Variants in PHF3 observed in about 807,000 individuals in gnomAD.
PHF3 encodes PHD finger protein 3.
In PHF3, 41 loss-of-function variants were observed where a neutral mutation model predicts 178.4. That is an observed-to-expected ratio of 0.23 (90% CI 0.18 to 0.30). The LOEUF (loss-of-function observed/expected upper bound fraction) is 0.30, where lower values mean the gene tolerates loss of function less well. PHF3 is among the 10% of genes least tolerant of loss of function. The probability of loss-of-function intolerance (pLI) is 1.00; values close to 1 mark genes in which losing one functional copy is unlikely to be tolerated. For missense variants in PHF3, 2,346 were observed against 2,398.1 expected, an observed-to-expected ratio of 0.98 and a Z score of 0.45; for synonymous variants, 842 against 800.5, an observed-to-expected ratio of 1.05 and a Z score of -0.88.
At chr6:63,702,458 GGAAA>G in intron 9 of PHF3, 46 bp from the exon 10 acceptor site, 2 of 1,281,978 alleles carry the variant, frequency 1.6e-6, no homozygotes, top group Non-Finnish European at 2.1e-6. Flanking sequence ...GTGTACACTT[GGAAA>G]TACATATTTT....
intron 2 of PHF3, among the ~76,000 whole-genome samples, chr6:63,672,683 G>A (rs1040473799): frequency 6.6e-6 from 1 of 152,168 alleles, no homozygotes; most frequent in African/African-American, 2.4e-5. Flanking sequence ...TGCCTGAGAA[G>A]GACTCTACTT....
At chr6:63,691,360 G>A (rs1055793319) in intron 4 of PHF3, among the ~76,000 whole-genome samples, 1 of 152,046 alleles carries the variant, frequency 6.6e-6, no homozygotes, top group Non-Finnish European at 1.5e-5. Context: ...TGTCCGTGAT[G>A]AAATTATTAC....
intron 2 of PHF3, 33 bp downstream of exon 2, chr6:63,646,828 T>TTTTTTC (rs1764806313): frequency 8.9e-7 from 1 of 1,125,122 alleles, no homozygotes; most frequent in African/African-American, 2.1e-5. Flanking sequence ...TTTTTTTTTT[T>TTTTTTC]AGTCTGCAAT....
At chr6:63,650,198 G>A (rs1764963193) in intron 2 of PHF3, among the ~76,000 whole-genome samples, 2 of 152,138 alleles carry the variant, frequency 1.3e-5, no homozygotes, top group Admixed American at 6.5e-5. Context: ...CATTCAGATA[G>A]CACTCTTATC....
At chr6:63,681,775 C>A (rs1766449468) in intron 3 of PHF3, among the ~76,000 whole-genome samples, 1 of 152,004 alleles carries the variant, frequency 6.6e-6, no homozygotes. Context: ...GTTTTGGCCT[C>A]CATCTTTCCT....
At chr6:63,658,886 T>C (rs111839029) in intron 2 of PHF3, among the ~76,000 whole-genome samples, 2 of 151,370 alleles carry the variant, frequency 1.3e-5, no homozygotes, top group Admixed American at 1.3e-4. Context: ...TAGGGAAGAG[T>C]TGATGTTGCA....
chr6:63,692,165 T>C lies in PHF3; in HGVS notation c.2496+122T>C, dbSNP rs1200381557. The C allele has an allele frequency of 7.6e-6, 6 of 789,324 alleles. No individual in the cohort carries two copies. In the Admixed American group the frequency reaches 1.6e-4, roughly 21 times the overall value. 48.9% of individuals were successfully genotyped at this position (789,324 alleles called of 1,614,324 possible). On this transcript the variant is annotated intron_variant, in intron 5 of 15. Transcript: ENST00000262043. ...TTCTTTTACATTTTCAAATTTAGTT[T>C]TCCATGAAAGTGAATAGGTTTTTAT...
rs748713633 is a variant in PHF3 at position 63,703,694 on chromosome 6, A to G, written c.3367+23A>G. On this transcript the variant is annotated intron_variant, in intron 11 of 15. Coordinates refer to ENST00000262043, the MANE Select transcript of PHF3 (RefSeq NM_001370348.2). The stretch of plus-strand genomic sequence containing the variant: ...TAGGTAATTGGAAGTTTTTCTTCGT[A>G]AAATTTTGCATTCATTATGAAAGAA... The G allele has an allele frequency of 6.3e-6, 10 of 1,580,770 alleles. No individual in the cohort carries two copies. The South Asian group carries it at 1.2e-4, about 19-fold the overall frequency.
intron 1 of PHF3, among the ~76,000 whole-genome samples, chr6:63,646,257 T>C (rs1319835127): frequency 2.6e-5 from 4 of 152,162 alleles, no homozygotes; most frequent in Non-Finnish European, 5.9e-5. Context: ...TAGTTTTTTT[T>C]TCCTAAAAAT....
At position 63,706,135 on chromosome 6, in the gene PHF3, A is replaced by C. The variant is rs1414236960; in HGVS notation, c.3474A>C (p.Ala1158=). 3 of 1,614,024 alleles carry C rather than the reference A, an allele frequency of 1.9e-6. No homozygotes were observed. The highest frequency in any genetic ancestry group is 1.7e-5 in the Admixed American group (1 of 60,024). ...SDNEAESIAD[A]LSSTSNILAS... ...ATGAAGCAGAAAGTATAGCAGATGC[A>C]TTATCTTCAACCTCAAATATTTTGG... Residue 1158 remains alanine, a synonymous_variant, in exon 12 of 16, where the codon GCA becomes GCC. Coordinates refer to ENST00000262043, the MANE Select transcript of PHF3 (RefSeq NM_001370348.2).
intron 4 of PHF3, among the ~76,000 whole-genome samples, chr6:63,688,654 T>C (rs1766858439): frequency 6.6e-6 from 1 of 152,022 alleles, no homozygotes; most frequent in South Asian, 2.1e-4. Flanking sequence ...TTTTACATAT[T>C]AACTAGCCTT....
rs76722470 is a variant in PHF3 at position 63,707,291 on chromosome 6, A to G, written c.3711+415A>G. ...CTTATGTTTCCCCATCTTCATGACT[A>G]CTGTTCTTACCTGCCTATTTCTGTG... On this transcript the variant is annotated intron_variant, in intron 13 of 15. Transcript: ENST00000262043. Among the ~76,000 whole-genome samples the G allele has an allele frequency of 8.6e-3, 1,316 of 152,316 alleles. 20 individuals carry two copies. Among genetic ancestry groups the G allele is most frequent in the African/African-American group, 0.03 (1,226 of 41,550 alleles).
Position 63,712,018 on chromosome 6 carries a change from C to G in PHF3, c.4430C>G (p.Thr1477Ser). The change falls in exon 16 of 16, where the codon ACT becomes AGT. Residue 1477 changes from threonine (T) to serine (S), a missense_variant. Physicochemically the swap from Thr to Ser is moderately conservative, Grantham distance 58. Transcript: ENST00000262043. ...DDILQSLLGTTGQVYDQAQSV... is the reference protein window; with the variant it reads ...DDILQSLLGTSGQVYDQAQSV... ...ATACTTCAAAGCCTTTTGGGCACCA[C>G]TGGTCAAGTATATGACCAGGCCCAG... 3.7e-6 allele frequency: 6 copies of G among 1,613,692 alleles called. No homozygotes were observed. The highest frequency in any genetic ancestry group is 4.2e-6 in the Non-Finnish European group (5 of 1,179,916).
intron 2 of PHF3, chr6:63,679,617 C>A: frequency 3.1e-6 from 1 of 318,018 alleles, no homozygotes; most frequent in African/African-American, 2.2e-5. Flanking sequence ...TAGCATGAAC[C>A]TAGAATCTTT....
At position 63,712,451 on chromosome 6, in the gene PHF3, A is replaced by C; in HGVS notation, c.4863A>C (p.Gly1621=). 6.2e-7 allele frequency: 1 copy of C among 1,614,038 alleles called. No individual in the cohort carries two copies. Among genetic ancestry groups the C allele is most frequent in the Non-Finnish European group, 8.5e-7 (1 of 1,179,942 alleles). ...GTTCTCCATGCAGATCTAATGTAGG[A>C]AAAGGAAACATAGATGGTAATGTGA... ...SNSSPCRSNV[G]KGNIDGNVSC... is the part of the protein sequence containing the mutation. Residue 1621 remains glycine, a synonymous_variant, in exon 16 of 16, where the codon GGA becomes GGC. Transcript: ENST00000262043.
intron 9 of PHF3, among the ~76,000 whole-genome samples, chr6:63,700,877 G>A (rs1442959448): frequency 1.3e-5 from 2 of 152,044 alleles, no homozygotes; most frequent in African/African-American, 4.8e-5. Context: ...CCACCTACAT[G>A]CTTCTTTTAA....
chr6:63,646,264 A>C (rs942121795), intron 1 of PHF3, among the ~76,000 whole-genome samples: 2 of 152,144 alleles, frequency 1.3e-5, no homozygotes, highest in Admixed American at 1.3e-4. Context: ...TTTTTCCTAA[A>C]AATAATGAAC....
Position 63,692,059 on chromosome 6 carries a change from A to G in PHF3, c.2496+16A>G, listed in dbSNP as rs372484280. On this transcript the variant is annotated intron_variant, in intron 5 of 15. Coordinates refer to ENST00000262043, the MANE Select transcript of PHF3 (RefSeq NM_001370348.2). ...TTTAAAACGGGTGAGCTCTTCATTAATGCATTATTTTGTTTATTTAAGAGC... is the reference window on the plus strand; with the variant it reads ...TTTAAAACGGGTGAGCTCTTCATTAGTGCATTATTTTGTTTATTTAAGAGC... 4.1e-5 allele frequency: 65 copies of G among 1,568,288 alleles called. No homozygotes were observed. Among genetic ancestry groups the G allele is most frequent in the Non-Finnish European group, 5.0e-5 (58 of 1,154,898 alleles).
chr6:63,689,203 T>C (rs1255367264), intron 4 of PHF3, among the ~76,000 whole-genome samples: 2 of 152,208 alleles, frequency 1.3e-5, no homozygotes, highest in Non-Finnish European at 2.9e-5. Context: ...AATGCAACTT[T>C]TGAACTTCTT....
Sources: allele counts gnomAD v4.1 joint callset (sites outside exome capture counted in the v4.1 genomes callset), GRCh38; gene constraint gnomAD v4.1.1; transcripts MANE v1.5; gene names NCBI Gene and HGNC (gene_info 2026-07-23, HGNC 2026-07-21).